The following KIFAP3 variants were observed in gnomAD, a reference collection of about 807,000 sequenced individuals.
The protein encoded by KIFAP3 is kinesin-associated protein 3.
A neutral mutation model predicts 106.5 loss-of-function variants in KIFAP3; 68 were observed. That is an observed-to-expected ratio of 0.64 (90% CI 0.53 to 0.78). The LOEUF is 0.78. Ranked by LOEUF, KIFAP3 falls within the 30% of genes least tolerant of loss-of-function variation. The pLI, the probability that KIFAP3 is intolerant of heterozygous loss-of-function variation, is 0.00. For synonymous variants in KIFAP3, 320 were observed against 311.5 expected (o/e 1.03, Z -0.29); for missense variants, 780 against 941.8 (o/e 0.83, Z 2.25).
intron 8 of KIFAP3, 40 bp from the exon 9 acceptor site, chr1:170,024,636 A>G: frequency 2.5e-6 from 3 of 1,179,068 alleles, no homozygotes; most frequent in African/African-American, 1.6e-5. Flanking sequence ...GAATTAGTAT[A>G]CTGAATTAAT....
chr1:169,978,993 C>A (rs1374126170), intron 15 of KIFAP3, among the ~76,000 whole-genome samples: 1 of 152,114 alleles, frequency 6.6e-6, no homozygotes, highest in Non-Finnish European at 1.5e-5. Context: ...AGTATTCCCT[C>A]ACTTAATACC....
At chr1:170,067,412 ACAGT>A (rs752038680) in intron 1 of KIFAP3, 2 of 152,288 alleles carry the variant, frequency 1.3e-5, no homozygotes, top group Non-Finnish European at 2.9e-5. Flanking sequence ...ACTCTGGAAG[ACAGT>A]CAAAGGTTTA....
intron 18 of KIFAP3, 108 bp downstream of exon 18, chr1:169,960,938 C>A: frequency 1.4e-6 from 1 of 731,592 alleles, no homozygotes; most frequent in African/African-American, 1.8e-5. Flanking sequence ...GCAGACCATT[C>A]ATAAACTAAA....
At chr1:169,926,650 G>A (rs1056009300) in intron 19 of KIFAP3, among the ~76,000 whole-genome samples, 4 of 143,970 alleles carry the variant, frequency 2.8e-5, no homozygotes, top group Admixed American at 2.1e-4. Flanking sequence ...GTAACATTAA[G>A]TTTTTTCTGT....
chr1:169,954,022 T>G lies in KIFAP3; in HGVS notation c.2262A>C (p.Ser754=). 6.2e-7 allele frequency: 1 copy of G among 1,612,160 alleles called. No individual in the cohort carries two copies. Among genetic ancestry groups the G allele is most frequent in the Non-Finnish European group, 8.5e-7 (1 of 1,178,376 alleles). Residue 754 remains serine (S), a synonymous_variant, in exon 19 of 20, where the codon TCA becomes TCC. Transcript: ENST00000361580. ...GGAAAACTGTTTACCTGCCAGGAAA[T>G]GAATGCTGCCCAACAACATCTCCAT... is the stretch of plus-strand genomic sequence containing the variant. The part of the protein sequence containing the change: ...LQNGDVVGQH[S]FPGSLGMDGF...
At chr1:170,037,578 A>C (rs4279900) in intron 5 of KIFAP3, among the ~76,000 whole-genome samples, 2,715 of 151,930 alleles carry the variant, frequency 0.018, 80 homozygotes, top group African/African-American at 0.062. Context: ...AAAAAAAAAA[A>C]AACAAACCAC....
At chr1:169,995,115 A>G (rs994957006) in intron 10 of KIFAP3, among the ~76,000 whole-genome samples, 2 of 152,104 alleles carry the variant, frequency 1.3e-5, no homozygotes, top group African/African-American at 4.8e-5. Flanking sequence ...AAGATTTATC[A>G]ATTTTAATGT....
chr1:170,033,412 C>A (rs373140274), intron 7 of KIFAP3, among the ~76,000 whole-genome samples: 13 of 151,636 alleles, frequency 8.6e-5, no homozygotes, highest in African/African-American at 2.7e-4. Context: ...GTATGATATT[C>A]TGCAAAATAG....
rs1363210240 is a variant in KIFAP3, at chr1:170,074,271, C to CT, written c.32+164dup. Among the ~76,000 whole-genome samples the CT allele has an allele frequency of 2.6e-5, 4 of 152,208 alleles. No homozygotes were observed. The East Asian group carries it at 5.8e-4, about 22-fold the overall frequency. On this transcript the variant is annotated intron_variant, in intron 1 of 19. Transcript: ENST00000361580. ...ACTTTGAAACCCCCCCAGAGCTCTC[C>CT]TTTTTTCTCCACTTCACCTTTTCCC...
chr1:169,982,235 T>C, intron 14 of KIFAP3, 138 bp from the exon 15 acceptor site: 5 of 918,350 alleles, frequency 5.4e-6, no homozygotes, highest in Non-Finnish European at 8.1e-6. Flanking sequence ...ATGCTATAAA[T>C]TTGTCCTTTT....
chr1:169,957,006 T>C (rs558918097), intron 18 of KIFAP3, among the ~76,000 whole-genome samples: 107 of 152,322 alleles, frequency 7.0e-4, no homozygotes, highest in African/African-American at 2.6e-3. Flanking sequence ...TGAGTAATCT[T>C]TCTTTACTAG....
intron 10 of KIFAP3, among the ~76,000 whole-genome samples, chr1:170,015,714 T>G (rs1347923998): frequency 6.6e-6 from 1 of 152,092 alleles, no homozygotes; most frequent in Admixed American, 6.5e-5. Flanking sequence ...ATGGTCATGG[T>G]GTAAAGTATA....
chr1:169,954,719 T>C (rs951284685), intron 18 of KIFAP3, among the ~76,000 whole-genome samples: 2 of 152,302 alleles, frequency 1.3e-5, no homozygotes, highest in South Asian at 2.1e-4. Flanking sequence ...GGATATACTA[T>C]ACAGAAATAT....
intron 8 of KIFAP3, among the ~76,000 whole-genome samples, chr1:170,027,255 G>A (rs1378506363): frequency 1.3e-5 from 2 of 151,936 alleles, no homozygotes; most frequent in African/African-American, 4.8e-5. Context: ...CCTGACCCCA[G>A]GTGATCTGCC....
At chr1:170,074,743 C>A (rs1671861993), upstream of KIFAP3, 16 of 1,328,282 alleles carry the variant, frequency 1.2e-5, no homozygotes, top group Non-Finnish European at 1.5e-5. Flanking sequence ...CTCTTGTATG[C>A]GCAGGCTCAG....
chr1:170,072,374 G>A (rs1376240930), intron 1 of KIFAP3, among the ~76,000 whole-genome samples: 3 of 152,084 alleles, frequency 2.0e-5, no homozygotes, highest in Non-Finnish European at 4.4e-5. Flanking sequence ...AGTAAGTTTA[G>A]GGAAAAACAA....
At chr1:169,934,302 A>G (rs1663665320) in intron 19 of KIFAP3, among the ~76,000 whole-genome samples, 1 of 152,144 alleles carries the variant, frequency 6.6e-6, no homozygotes, top group Non-Finnish European at 1.5e-5. Context: ...TACCGTAGTG[A>G]GACTGAACTG....
At chr1:170,083,209 A>C (rs1478937956) in intron 1 of KIFAP3, among the ~76,000 whole-genome samples, 1 of 152,202 alleles carries the variant, frequency 6.6e-6, no homozygotes, top group Admixed American at 6.5e-5. Flanking sequence ...AAAGACGTGA[A>C]TCCCAAGCAG....
intron 8 of KIFAP3, among the ~76,000 whole-genome samples, chr1:170,026,567 A>T (rs1669111956): frequency 6.6e-6 from 1 of 152,242 alleles, no homozygotes; most frequent in Non-Finnish European, 1.5e-5. Flanking sequence ...CCAAGAATCC[A>T]GAGACGCCAA....
Sources: gnomAD v4.1 joint callset for allele counts (sites outside exome capture counted in the v4.1 genomes callset) on GRCh38, gnomAD v4.1.1 for gene constraint, MANE v1.5 for transcripts, NCBI Gene and HGNC (gene_info 2026-07-23, HGNC 2026-07-21) for gene names.